The following CHD2 variants were observed in gnomAD, a reference collection of about 807,000 sequenced individuals.
CHD2 encodes the protein ATP-dependent chromatin remodeler CHD2.
Under a neutral mutation model 243.9 loss-of-function variants are expected in CHD2, and 28 were observed. The observed-to-expected ratio is 0.11, with a 90% CI of 0.09 to 0.16. The LOEUF (loss-of-function observed/expected upper bound fraction) is 0.16. CHD2 is among the 10% of genes least tolerant of loss of function. CHD2 has a pLI of 1.00. For synonymous variants in CHD2, 775 were observed against 779.0 expected (o/e 0.99, Z 0.09); for missense variants, 1,386 against 2,209.8 (o/e 0.63, Z 7.47).
chr15:92,918,015 G>A (rs140948328), intron 2 of CHD2, among the ~76,000 whole-genome samples: 2 of 152,118 alleles, frequency 1.3e-5, no homozygotes, highest in Non-Finnish European at 2.9e-5. Context: ...CAACCAGTTC[G>A]GCCATTTTGT....
intron 31 of CHD2, among the ~76,000 whole-genome samples, chr15:92,999,015 C>T (rs1407905315): frequency 3.8e-5 from 5 of 133,104 alleles, no homozygotes; most frequent in East Asian, 2.1e-4. Flanking sequence ...ACCCGGGAGG[C>T]GGAGCTTGCA....
chr15:92,985,704 G>C (rs1333434902), intron 26 of CHD2, 31 bp downstream of exon 26: 4 of 1,589,726 alleles, frequency 2.5e-6, no homozygotes, highest in Non-Finnish European at 3.4e-6. Context: ...CACTGAGCTT[G>C]TTTGAAAGTG....
At position 93,027,532 on chromosome 15, in the gene CHD2, G is replaced by A. The variant is rs1240400001; in HGVS notation, c.*2827G>A. 6.6e-6 allele frequency: 1 copy of A among 152,514 alleles called. No homozygotes were observed. Among genetic ancestry groups the A allele is most frequent in the Non-Finnish European group, 1.5e-5 (1 of 68,058 alleles). The allele number at this position is 152,514 out of a possible 1,614,324, so 9.4% of individuals were successfully genotyped here. A position where few individuals can be genotyped will look rare whatever the true frequency, so the allele number is the denominator to read the frequency against. On this transcript the variant is annotated 3_prime_UTR_variant, in exon 39 of 39. Transcript: ENST00000394196. ...GAAGGGAAGCCCAAACACTTTGCAC[G>A]CTGTGCTGCAGACATTCTGGCCTGG...
chr15:92,906,103 C>T (rs560426847), intron 2 of CHD2, among the ~76,000 whole-genome samples: 26 of 152,242 alleles, frequency 1.7e-4, no homozygotes, highest in African/African-American at 6.0e-4. Flanking sequence ...AACAATTTAC[C>T]TATTAACTGT....
Position 92,997,519 on chromosome 15 carries a change from C to A in CHD2, c.3885+116C>A. 2 of 923,370 alleles carry A rather than the reference C, an allele frequency of 2.2e-6. No homozygotes were observed. Among genetic ancestry groups the A allele is most frequent in the Non-Finnish European group, 3.1e-6 (2 of 653,072 alleles). 57.2% of individuals were successfully genotyped at this position (923,370 alleles called of 1,614,324 possible). A position where few individuals can be genotyped will look rare whatever the true frequency, so the allele number is the denominator to read the frequency against. ...GCATCAAATTAGAAATTAGTATAGT[C>A]ATTCTTGGAAATACTTCCATCTTTA... On this transcript the variant is annotated intron_variant, in intron 30 of 38. Transcript: ENST00000394196. This position sits in a 1 kb window ranked among gnomAD's most constrained non-coding sequence, Gnocchi z 4.1.
intron 27 of CHD2, 22 bp from the exon 28 acceptor site, chr15:92,992,837 C>A (rs1473105947): frequency 1.2e-6 from 2 of 1,610,492 alleles, no homozygotes; most frequent in East Asian, 2.2e-5. Context: ...CCTAAAGTGT[C>A]CCCATATTTG....
chr15:92,984,170 A>G (rs2054012809), intron 24 of CHD2, among the ~76,000 whole-genome samples, 160 bp from the exon 25 acceptor site: 1 of 152,220 alleles, frequency 6.6e-6, no homozygotes, highest in Admixed American at 6.5e-5. Flanking sequence ...TTTTGGGGGT[A>G]TAAAGGAAAA....
At chr15:92,931,856 T>C (rs991536469) in intron 5 of CHD2, among the ~76,000 whole-genome samples, 5 of 150,350 alleles carry the variant, frequency 3.3e-5, no homozygotes, top group African/African-American at 1.2e-4. Context: ...AAAACATTGC[T>C]GACGTACTTT....
At position 92,998,082 on chromosome 15, in the gene CHD2, C is replaced by T. The variant is rs779735115; in HGVS notation, c.3886-417C>T. 1.0e-5 allele frequency: 6 copies of T among 591,686 alleles called. No individual in the cohort carries two copies. The highest frequency in any genetic ancestry group is 1.3e-4 in the East Asian group (1 of 7,602). The allele number at this position is 591,686 out of a possible 1,614,324, so 36.7% of individuals were successfully genotyped here. On this transcript the variant is annotated intron_variant, in intron 30 of 38. Transcript: ENST00000394196. The surrounding 1 kb of genome is among the most constrained non-coding windows in gnomAD (Gnocchi z 5.1). ...TAGCAAGGAACAGATCATGTCCTGG[C>T]GTAGCTCAGTGCTCTCCGGCAATGC...
rs372801085 is a variant in CHD2 at position 92,972,314 on chromosome 15, C to G, written c.2402C>G (p.Thr801Arg). The change falls in exon 19 of 39, where the codon ACA (threonine) becomes AGA (arginine). Residue 801 changes from threonine (T) to arginine (R), a missense_variant. By Grantham distance (71) the Thr-to-Arg change is moderately conservative (BLOSUM62 -1). Transcript: ENST00000394196. ...GKLILLDKLL[T>R]RLRERGNRVL... Reference sequence around the variant, plus strand: ...TTGATTTTATTAGACAAACTGTTGACAAGACTTCGAGAAAGGGGGAATCGA... The same window carrying G: ...TTGATTTTATTAGACAAACTGTTGAGAAGACTTCGAGAAAGGGGGAATCGA... 229 of 1,612,638 alleles carry G rather than the reference C, an allele frequency of 1.4e-4. No homozygotes were observed. Among genetic ancestry groups the G allele is most frequent in the Non-Finnish European group, 1.9e-4 (226 of 1,179,450 alleles).
chr15:93,000,704 G>A, intron 32 of CHD2, 64 bp downstream of exon 32: 1 of 1,496,738 alleles, frequency 6.7e-7, no homozygotes, highest in South Asian at 1.3e-5. Context: ...CATGCCAGCT[G>A]GAATAAAATC....
chr15:92,971,391 A>C (rs1210945370), intron 17 of CHD2, among the ~76,000 whole-genome samples: 4 of 152,206 alleles, frequency 2.6e-5, no homozygotes, highest in Non-Finnish European at 5.9e-5. Flanking sequence ...TTGTGTACAC[A>C]CACACACTTA....
At chr15:92,960,406 T>A (rs1171225250) in intron 16 of CHD2, among the ~76,000 whole-genome samples, 1 of 152,162 alleles carries the variant, frequency 6.6e-6, no homozygotes, top group African/African-American at 2.4e-5. Flanking sequence ...TGGCTATAGA[T>A]GTTTTTTGTA....
intron 33 of CHD2, among the ~76,000 whole-genome samples, chr15:93,003,382 C>CT (rs2054281620): frequency 6.6e-6 from 1 of 151,620 alleles, no homozygotes; most frequent in South Asian, 2.1e-4. Flanking sequence ...TTTTGAAATA[C>CT]TTTCTAATTT....
intron 14 of CHD2, 164 bp downstream of exon 14, chr15:92,953,737 G>GA: frequency 1.6e-6 from 1 of 644,000 alleles, no homozygotes. Flanking sequence ...GTGCAACTCA[G>GA]ATGTTCTTTA....
At chr15:92,986,666 A>G (rs1316973521) in intron 26 of CHD2, among the ~76,000 whole-genome samples, 2 of 152,108 alleles carry the variant, frequency 1.3e-5, no homozygotes, top group African/African-American at 4.8e-5. Flanking sequence ...TATGTTCTAT[A>G]GCTGTATTTG....
chr15:92,995,525 T>G (rs1015226202), intron 28 of CHD2, among the ~76,000 whole-genome samples: 1 of 152,214 alleles, frequency 6.6e-6, no homozygotes, highest in Non-Finnish European at 1.5e-5. Flanking sequence ...GAAGAGAACA[T>G]ACTCTTTTGC....
At chr15:92,980,210 A>G (rs2053960894) in intron 22 of CHD2, among the ~76,000 whole-genome samples, 1 of 122,026 alleles carries the variant, frequency 8.2e-6, no homozygotes, top group Non-Finnish European at 1.7e-5. Context: ...ACACCTAGCT[A>G]ATTTTTTTTT....
chr15:92,912,547 G>GTTTT (rs1434440818), intron 2 of CHD2, among the ~76,000 whole-genome samples: 1 of 151,950 alleles, frequency 6.6e-6, no homozygotes. Flanking sequence ...GTTTTGTTTT[G>GTTTT]TTTTGAGACG....
Sources: gnomAD v4.1 joint callset for allele counts (sites outside exome capture counted in the v4.1 genomes callset) on GRCh38, gnomAD v4.1.1 for gene constraint, Gnocchi (gnomAD v3.1) non-coding constraint, MANE v1.5 for transcripts, NCBI Gene and HGNC (gene_info 2026-07-23, HGNC 2026-07-21) for gene names.